Variants in CNKSR3 observed in about 807,000 individuals in gnomAD.
CNKSR3 encodes CNKSR family member 3.
A neutral mutation model predicts 67.7 loss-of-function variants in CNKSR3; 36 were observed. The ratio of observed to expected loss-of-function variants is 0.53; its 90% CI spans 0.41 to 0.70. The LOEUF (loss-of-function observed/expected upper bound fraction) is 0.70, where lower values mean the gene tolerates loss of function less well. Ranked by LOEUF, CNKSR3 falls within the 30% of genes least tolerant of loss-of-function variation. The pLI is 0.00. For missense variants in CNKSR3, 630 were observed against 695.2 expected, an observed-to-expected ratio of 0.91 and a Z score of 1.05; for synonymous variants, 281 against 271.4, an observed-to-expected ratio of 1.04 and a Z score of -0.35.
Position 154,404,579 on chromosome 6 carries a change from C to A in CNKSR3, c.*1775G>T, listed in dbSNP as rs1391774169. On this transcript the variant is annotated 3_prime_UTR_variant, in exon 13 of 13. Coordinates refer to ENST00000607772, the MANE Select transcript of CNKSR3 (RefSeq NM_173515.4). ...GGGTGTGGTGGCTCATGCCTGTAAT[C>A]CCAGCACTTTGGGAGGCTGAGGCCG... The A allele has an allele frequency of 1.3e-5, 2 of 152,318 alleles. No homozygotes were observed. The highest frequency in any genetic ancestry group is 3.9e-4 in the East Asian group (2 of 5,184). The allele number at this position is 152,318 out of a possible 1,614,324, so 9.4% of individuals were successfully genotyped here.
At chr6:154,414,054 T>C (rs1784963104) in intron 10 of CNKSR3, among the ~76,000 whole-genome samples, 2 of 152,086 alleles carry the variant, frequency 1.3e-5, no homozygotes, top group Non-Finnish European at 2.9e-5. Flanking sequence ...TGGCCAATAC[T>C]GCCATATTCT....
At chr6:154,426,481 G>A (rs145256001) in intron 7 of CNKSR3, among the ~76,000 whole-genome samples, 62 of 151,928 alleles carry the variant, frequency 4.1e-4, no homozygotes, top group African/African-American at 1.2e-3. Context: ...TCAGCCTCCC[G>A]AGTAGCTGGG....
At chr6:154,477,051 T>C (rs1324818066) in intron 1 of CNKSR3, among the ~76,000 whole-genome samples, 2 of 152,102 alleles carry the variant, frequency 1.3e-5, no homozygotes, top group East Asian at 3.8e-4. Context: ...ACTTTGCAAA[T>C]AGCCCAACTA....
rs1784644146 is a variant in CNKSR3 at position 154,394,982 on chromosome 6, G to C, written c.*11372C>G. ...GCACAGAGAATGAATCTAGGAGAGAGGTGACTGGTTTGGGCTGCATCAGGA... is the reference window on the plus strand; with the variant it reads ...GCACAGAGAATGAATCTAGGAGAGACGTGACTGGTTTGGGCTGCATCAGGA... On this transcript the variant is annotated 3_prime_UTR_variant, in exon 13 of 13. Coordinates refer to ENST00000607772, the MANE Select transcript of CNKSR3 (RefSeq NM_173515.4). The C allele has an allele frequency of 6.6e-6, 1 of 152,182 alleles. No homozygotes were observed. Among genetic ancestry groups the C allele is most frequent in the Non-Finnish European group, 1.5e-5 (1 of 68,066 alleles). The allele number at this position is 152,182 out of a possible 1,614,324, so 9.4% of individuals were successfully genotyped here.
intron 2 of CNKSR3, among the ~76,000 whole-genome samples, chr6:154,444,213 AAC>A (rs1269368725): frequency 6.6e-6 from 1 of 152,234 alleles, no homozygotes; most frequent in Non-Finnish European, 1.5e-5. Flanking sequence ...AACATTATTG[AAC>A]ACTTTATGCC....
intron 1 of CNKSR3, among the ~76,000 whole-genome samples, chr6:154,479,645 T>A (rs1786526538): frequency 6.6e-6 from 1 of 152,094 alleles, no homozygotes; most frequent in African/African-American, 2.4e-5. Context: ...CCACTACAAT[T>A]CAAGACGAGA....
chr6:154,498,069 T>C (rs2114656179), intron 1 of CNKSR3, among the ~76,000 whole-genome samples: 1 of 152,254 alleles, frequency 6.6e-6, no homozygotes, highest in South Asian at 2.1e-4. Flanking sequence ...CCCTGAAGAG[T>C]AACTATTCAG....
intron 2 of CNKSR3, among the ~76,000 whole-genome samples, chr6:154,442,748 C>A (rs1280535997): frequency 2.2e-4 from 33 of 152,322 alleles, no homozygotes; most frequent in Admixed American, 1.8e-3. Context: ...CCCCAGCCCA[C>A]TTCACTCACC....
At chr6:154,509,983 C>T (rs778276061) in intron 1 of CNKSR3, 80 bp downstream of exon 1, 3 of 1,509,598 alleles carry the variant, frequency 2.0e-6, no homozygotes, top group African/African-American at 2.7e-5. Flanking sequence ...GGAGGAAGGG[C>T]CAAGTACCCT....
intron 1 of CNKSR3, among the ~76,000 whole-genome samples, chr6:154,464,736 A>C (rs1386622548): frequency 6.6e-6 from 1 of 151,792 alleles, no homozygotes; most frequent in South Asian, 2.1e-4. Flanking sequence ...AGGAAAAAGA[A>C]AAAAGAAAAA....
intron 7 of CNKSR3, among the ~76,000 whole-genome samples, chr6:154,423,887 T>C (rs1365199328): frequency 6.6e-6 from 1 of 152,176 alleles, no homozygotes; most frequent in East Asian, 1.9e-4. Context: ...AGACTTTTTT[T>C]CCTTCAAATA....
chr6:154,501,683 A>T (rs1383160440), intron 1 of CNKSR3, among the ~76,000 whole-genome samples: 1 of 152,016 alleles, frequency 6.6e-6, no homozygotes, highest in Non-Finnish European at 1.5e-5. Context: ...GGAGTCCCCC[A>T]CCCAGTCCCT....
In CNKSR3 at chr6:154,405,514, C is replaced by T. The variant is rs1156749046; in HGVS notation, c.*840G>A. Reference sequence around the variant, plus strand: ...CTGTGTACAATTTTGAAGAAGTGTACACACCGTGCTGGAAGACAGACACTG... The same window carrying T: ...CTGTGTACAATTTTGAAGAAGTGTATACACCGTGCTGGAAGACAGACACTG... On this transcript the variant is annotated 3_prime_UTR_variant, in exon 13 of 13. Coordinates refer to ENST00000607772, the MANE Select transcript of CNKSR3 (RefSeq NM_173515.4). The T allele has an allele frequency of 2.6e-5, 4 of 152,256 alleles. No homozygotes were observed. The highest frequency in any genetic ancestry group is 2.6e-4 in the Admixed American group (4 of 15,284). 9.4% of individuals were successfully genotyped at this position (152,256 alleles called of 1,614,324 possible).
At chr6:154,423,613 T>C (rs904806409) in intron 7 of CNKSR3, among the ~76,000 whole-genome samples, 3 of 152,194 alleles carry the variant, frequency 2.0e-5, no homozygotes, top group Non-Finnish European at 4.4e-5. Flanking sequence ...TCTAAAAAAA[T>C]TCTTACACAT....
intron 1 of CNKSR3, among the ~76,000 whole-genome samples, chr6:154,473,712 C>A (rs1359729419): frequency 6.6e-6 from 1 of 152,044 alleles, no homozygotes; most frequent in Non-Finnish European, 1.5e-5. Context: ...GGAGTCAGGT[C>A]GCCTGGATTC....
rs190448531 is a variant in CNKSR3 at position 154,425,052 on chromosome 6, G to A, written c.730-2069C>T. Among the ~76,000 whole-genome samples the A allele has an allele frequency of 6.6e-5, 10 of 152,246 alleles. No individual in the cohort carries two copies. The East Asian group carries it at 1.5e-3, about 23-fold the overall frequency. On this transcript the variant is annotated intron_variant, in intron 7 of 12. Coordinates refer to ENST00000607772, the MANE Select transcript of CNKSR3 (RefSeq NM_173515.4). The stretch of plus-strand genomic sequence containing the variant: ...CTCCCAAAGTGCTGAGATTACAGGC[G>A]TGAGCCACCGCACCCGGCTCATCTC...
intron 9 of CNKSR3, among the ~76,000 whole-genome samples, chr6:154,420,446 T>C (rs928036620): frequency 6.6e-6 from 1 of 151,830 alleles, no homozygotes; most frequent in Non-Finnish European, 1.5e-5. Flanking sequence ...TCCCAGCACT[T>C]TGGGAGGCCG....
chr6:154,503,303 C>T (rs1250263544), intron 1 of CNKSR3, among the ~76,000 whole-genome samples: 1 of 152,112 alleles, frequency 6.6e-6, no homozygotes. Context: ...CTTCTTACTA[C>T]TTGTGTTAAA....
Position 154,506,899 on chromosome 6 carries a change from G to A in CNKSR3, c.52+3164C>T, listed in dbSNP as rs559281515. Among the ~76,000 whole-genome samples, 9 of 152,328 alleles carry A rather than the reference G, an allele frequency of 5.9e-5. No individual in the cohort carries two copies. The South Asian group carries it at 1.0e-3, about 18-fold the overall frequency. ...TCCGCTACCATATGCTATTCAGACC[G>A]AATCCTGAAGTTCTATTCATAAATG... is the stretch of plus-strand genomic sequence containing the variant. On this transcript the variant is annotated intron_variant, in intron 1 of 12. Coordinates refer to ENST00000607772, the MANE Select transcript of CNKSR3 (RefSeq NM_173515.4).
Sources: gnomAD v4.1 joint callset for allele counts (sites outside exome capture counted in the v4.1 genomes callset) on GRCh38, gnomAD v4.1.1 for gene constraint, MANE v1.5 for transcripts, NCBI Gene and HGNC (gene_info 2026-07-23, HGNC 2026-07-21) for gene names.